STXBP5L: variants seen among roughly 807,000 people sequenced by gnomAD.
STXBP5L encodes the protein syntaxin-binding protein 5-like.
In STXBP5L, 65 loss-of-function variants were observed where a neutral mutation model predicts 144.5. The observed-to-expected ratio is 0.45, with a 90% confidence interval of 0.37 to 0.55. STXBP5L has a LOEUF of 0.55. STXBP5L is among the 20% of genes least tolerant of loss of function. The pLI is 0.00. For missense variants in STXBP5L, 1,298 were observed against 1,405.5 expected (o/e 0.92, Z 1.22); for synonymous variants, 505 against 469.6 (o/e 1.08, Z -0.97).
At chr3:121,132,373 C>T (rs887558883) in intron 7 of STXBP5L, among the ~76,000 whole-genome samples, 6 of 152,156 alleles carry the variant, frequency 3.9e-5, no homozygotes, top group Non-Finnish European at 5.9e-5. Context: ...CTGGGGAGAA[C>T]CAAGGTGGTG....
intron 18 of STXBP5L, among the ~76,000 whole-genome samples, chr3:121,274,624 A>T (rs1300261504): frequency 2.0e-5 from 3 of 152,238 alleles, no homozygotes; most frequent in Non-Finnish European, 4.4e-5. Flanking sequence ...CCATGAAGCC[A>T]GGGCTCTGTG....
chr3:121,392,108 G>A (rs2046603487), intron 22 of STXBP5L, among the ~76,000 whole-genome samples: 2 of 152,128 alleles, frequency 1.3e-5, no homozygotes, highest in African/African-American at 2.4e-5. Context: ...CCTCAACAAT[G>A]GCAGACACCC....
intron 20 of STXBP5L, among the ~76,000 whole-genome samples, chr3:121,318,817 T>G (rs959446373): frequency 6.6e-6 from 1 of 152,206 alleles, no homozygotes; most frequent in Non-Finnish European, 1.5e-5. Flanking sequence ...ACATTAATAA[T>G]GCTTACTAAG....
At chr3:121,104,154 T>C (rs919604986) in intron 5 of STXBP5L, among the ~76,000 whole-genome samples, 2 of 152,220 alleles carry the variant, frequency 1.3e-5, no homozygotes, top group African/African-American at 4.8e-5. Context: ...TATATTTTTC[T>C]TGCCTGATCC....
chr3:121,293,798 T>C (rs1408563916), intron 19 of STXBP5L, among the ~76,000 whole-genome samples: 1 of 151,822 alleles, frequency 6.6e-6, no homozygotes, highest in Non-Finnish European at 1.5e-5. Context: ...GAGGCGGAGG[T>C]TGCCGTGAGC....
intron 19 of STXBP5L, among the ~76,000 whole-genome samples, chr3:121,283,140 G>T (rs1460112183): frequency 6.6e-6 from 1 of 151,768 alleles, no homozygotes; most frequent in Non-Finnish European, 1.5e-5. Flanking sequence ...ATACAAAATG[G>T]CCTTATAGTT....
intron 20 of STXBP5L, among the ~76,000 whole-genome samples, chr3:121,374,998 T>A (rs953603807): frequency 2.5e-5 from 3 of 117,652 alleles, no homozygotes; most frequent in Admixed American, 1.3e-4. Flanking sequence ...ATAATAGACA[T>A]TGAAGACTCA....
At chr3:121,032,823 G>A (rs1202313392) in intron 3 of STXBP5L, among the ~76,000 whole-genome samples, 1 of 62,694 alleles carries the variant, frequency 1.6e-5, no homozygotes, top group Non-Finnish European at 3.2e-5. Context: ...ATGAAAAAAT[G>A]CTCATCATCA....
At chr3:121,307,074 G>T (rs2043361656) in intron 19 of STXBP5L, among the ~76,000 whole-genome samples, 1 of 152,068 alleles carries the variant, frequency 6.6e-6, no homozygotes, top group South Asian at 2.1e-4. Flanking sequence ...TGTGCCTTCT[G>T]AGAAGCAACC....
At chr3:120,975,178 T>C (rs1212599696) in intron 3 of STXBP5L, among the ~76,000 whole-genome samples, 1 of 152,244 alleles carries the variant, frequency 6.6e-6, no homozygotes, top group African/African-American at 2.4e-5. Flanking sequence ...CTCATGAGCA[T>C]GGAATATTCT....
At chr3:121,392,611 G>C (rs1044796653) in intron 22 of STXBP5L, among the ~76,000 whole-genome samples, 2 of 151,822 alleles carry the variant, frequency 1.3e-5, no homozygotes, top group African/African-American at 4.8e-5. Flanking sequence ...CCATTCCCCA[G>C]CTCCACCATT....
intron 3 of STXBP5L, among the ~76,000 whole-genome samples, chr3:121,025,009 C>A (rs187250160): frequency 0.017 from 2,513 of 152,182 alleles, 64 homozygotes; most frequent in African/African-American, 0.057. Flanking sequence ...GTCTCCAAAA[C>A]TAGGTGGCAA....
intron 3 of STXBP5L, among the ~76,000 whole-genome samples, chr3:121,006,807 T>A (rs1002425035): frequency 6.6e-6 from 1 of 152,106 alleles, no homozygotes; most frequent in African/African-American, 2.4e-5. Flanking sequence ...CCTTCACTTA[T>A]AGGCTTAGTT....
intron 24 of STXBP5L, among the ~76,000 whole-genome samples, chr3:121,413,592 G>A (rs947227040): frequency 2.6e-5 from 4 of 152,024 alleles, no homozygotes; most frequent in Non-Finnish European, 5.9e-5. Context: ...TGCCTATGGA[G>A]AATCTTATAA....
At chr3:121,071,938 T>C (rs1460607730) in intron 5 of STXBP5L, among the ~76,000 whole-genome samples, 1 of 152,220 alleles carries the variant, frequency 6.6e-6, no homozygotes, top group South Asian at 2.1e-4. Flanking sequence ...CAGCACCTGA[T>C]CCCACCTTAG....
At chr3:121,067,382 C>T (rs2041598388) in intron 5 of STXBP5L, among the ~76,000 whole-genome samples, 1 of 151,834 alleles carries the variant, frequency 6.6e-6, no homozygotes, top group Admixed American at 6.6e-5. Flanking sequence ...CCTATAGTTT[C>T]TTATTTGAAC....
At chr3:121,258,019 A>G (rs941323055) in intron 17 of STXBP5L, among the ~76,000 whole-genome samples, 4 of 152,226 alleles carry the variant, frequency 2.6e-5, no homozygotes, top group African/African-American at 9.6e-5. Context: ...ACTATCTACT[A>G]CAAGAGTTCT....
chr3:121,390,121 A>C (rs544491725), intron 22 of STXBP5L, among the ~76,000 whole-genome samples: 1 of 152,042 alleles, frequency 6.6e-6, no homozygotes, highest in Non-Finnish European at 1.5e-5. Context: ...TGTTGAGTTG[A>C]TCCCTTTACC....
chr3:121,256,365 C>T (rs1191780469), intron 16 of STXBP5L, among the ~76,000 whole-genome samples: 4 of 151,904 alleles, frequency 2.6e-5, no homozygotes, highest in East Asian at 1.9e-4. Context: ...TAAAAATGCT[C>T]ATTTTTACAT....
Sources: gnomAD v4.1 joint callset for allele counts (sites outside exome capture counted in the v4.1 genomes callset) on GRCh38, gnomAD v4.1.1 for gene constraint, MANE v1.5 for transcripts, NCBI Gene and HGNC (gene_info 2026-07-23, HGNC 2026-07-21) for gene names.